Variants in DPYSL2 observed in about 807,000 individuals in gnomAD.
DPYSL2 encodes dihydropyrimidinase-related protein 2.
DPYSL2 carries 13 observed loss-of-function variants against 69.9 expected under a neutral mutation model. That is an observed-to-expected ratio of 0.19 (90% CI 0.12 to 0.30). The LOEUF is 0.30. Ranked by LOEUF, DPYSL2 falls within the 10% of genes least tolerant of loss-of-function variation. The pLI, the probability that DPYSL2 is intolerant of heterozygous loss-of-function variation, is 1.00. For synonymous variants in DPYSL2, 326 were observed against 359.1 expected, an observed-to-expected ratio of 0.91 and a Z score of 1.04; for missense variants, 587 against 918.9, an observed-to-expected ratio of 0.64 and a Z score of 4.67.
intron 3 of DPYSL2, among the ~76,000 whole-genome samples, chr8:26,594,439 C>T (rs567286510): frequency 6.6e-6 from 1 of 152,054 alleles, no homozygotes; most frequent in South Asian, 2.1e-4. Flanking sequence ...ACGAAATGAT[C>T]GTCTACCAAA....
chr8:26,537,882 TGTC>T (rs1432217937), intron 1 of DPYSL2, among the ~76,000 whole-genome samples: 5 of 152,232 alleles, frequency 3.3e-5, no homozygotes, highest in African/African-American at 1.2e-4. Flanking sequence ...ATCATTTACT[TGTC>T]GTGTATTTTT....
intron 1 of DPYSL2, among the ~76,000 whole-genome samples, chr8:26,566,052 T>G (rs772474114): frequency 6.6e-6 from 1 of 152,232 alleles, no homozygotes; most frequent in African/African-American, 2.4e-5. Context: ...GCTAGTGGCC[T>G]CTGCTACATC....
rs1803126560 is a variant in DPYSL2, at chr8:26,644,845, C to T, written c.1425+754C>T. Among the ~76,000 whole-genome samples the T allele has an allele frequency of 6.6e-6, 1 of 152,184 alleles. No individual in the cohort carries two copies. The highest frequency in any genetic ancestry group is 6.5e-5 in the Admixed American group (1 of 15,282). On this transcript the variant is annotated intron_variant, in intron 10 of 13. Coordinates refer to ENST00000521913, the MANE Select transcript of DPYSL2 (RefSeq NM_001197293.3). This position sits in a 1 kb window ranked among gnomAD's most constrained non-coding sequence, Gnocchi z 4.5. ...CCAGTAGGCCTGCTATGAACATACA[C>T]TGACCTTTAGAGGATCTTTGGGCTT...
intron 1 of DPYSL2, among the ~76,000 whole-genome samples, chr8:26,549,449 G>C (rs1262893228): frequency 6.6e-6 from 1 of 152,014 alleles, no homozygotes; most frequent in Non-Finnish European, 1.5e-5. Flanking sequence ...TTTAATATAT[G>C]TATAAAGGTG....
intron 3 of DPYSL2, among the ~76,000 whole-genome samples, chr8:26,606,569 A>G (rs1802111994): frequency 6.6e-6 from 1 of 152,174 alleles, no homozygotes; most frequent in Admixed American, 6.5e-5. Flanking sequence ...TTTAATAGAA[A>G]AGGTAAATGG....
intron 3 of DPYSL2, among the ~76,000 whole-genome samples, chr8:26,589,356 A>G (rs1801671679): frequency 6.6e-6 from 1 of 152,148 alleles, no homozygotes; most frequent in Admixed American, 6.5e-5. Context: ...TGGTTCAATC[A>G]AGGCCCCTCT....
rs1801115960 is a variant in DPYSL2 at position 26,564,282 on chromosome 8, G to A, written c.355-17687G>A. ...GTGGAAGTTGAGGAAGTGGAGGCCA[G>A]GAGTGTACGCTACCCATTCCTGAAG... On this transcript the variant is annotated intron_variant, in intron 1 of 13. Transcript: ENST00000521913. This position sits in a 1 kb window ranked among gnomAD's most constrained non-coding sequence, Gnocchi z 4.8. Among the ~76,000 whole-genome samples the A allele has an allele frequency of 6.6e-6, 1 of 152,172 alleles. No individual in the cohort carries two copies. The highest frequency in any genetic ancestry group is 1.5e-5 in the Non-Finnish European group (1 of 68,024).
chr8:26,625,584 T>C (rs952345369), intron 4 of DPYSL2, among the ~76,000 whole-genome samples: 1 of 152,162 alleles, frequency 6.6e-6, no homozygotes, highest in Non-Finnish European at 1.5e-5. Context: ...GTCTGGTGCC[T>C]AGGGAGGCAA....
intron 3 of DPYSL2, among the ~76,000 whole-genome samples, chr8:26,622,163 C>CTT (rs1802506581): frequency 2.9e-5 from 2 of 68,476 alleles, no homozygotes; most frequent in African/African-American, 1.1e-4. Flanking sequence ...CCTTCCCTCT[C>CTT]TCTCTCTTTC....
intron 7 of DPYSL2, among the ~76,000 whole-genome samples, chr8:26,632,451 C>T (rs1239196147): frequency 2.6e-5 from 4 of 152,144 alleles, no homozygotes; most frequent in Admixed American, 6.5e-5. Context: ...TTCACAGGGA[C>T]GGGCACTTTC....
chr8:26,518,164 C>T (rs1407166304), intron 1 of DPYSL2, among the ~76,000 whole-genome samples: 3 of 152,180 alleles, frequency 2.0e-5, no homozygotes, highest in African/African-American at 4.8e-5. Context: ...TGATAATAGA[C>T]TAGCCTGTTA....
chr8:26,615,609 C>T (rs1265627609), intron 3 of DPYSL2, among the ~76,000 whole-genome samples: 2 of 152,120 alleles, frequency 1.3e-5, no homozygotes, highest in Non-Finnish European at 2.9e-5. Flanking sequence ...GTGCACTGAG[C>T]ACCTTCTGTA....
intron 1 of DPYSL2, among the ~76,000 whole-genome samples, chr8:26,546,820 C>A (rs1326281680): frequency 1.4e-5 from 2 of 141,982 alleles, no homozygotes; most frequent in African/African-American, 5.3e-5. Flanking sequence ...ACTCAGGAGG[C>A]TGAGGCAGGC....
At chr8:26,601,478 C>T (rs903157840) in intron 3 of DPYSL2, among the ~76,000 whole-genome samples, 16 of 152,006 alleles carry the variant, frequency 1.1e-4, no homozygotes, top group African/African-American at 2.7e-4. Flanking sequence ...CCTGGGTTCA[C>T]GCCATTCTCC....
intron 1 of DPYSL2, among the ~76,000 whole-genome samples, chr8:26,530,609 T>C (rs1314107320): frequency 6.6e-6 from 1 of 152,192 alleles, no homozygotes; most frequent in Non-Finnish European, 1.5e-5. Flanking sequence ...TCACCAGTCA[T>C]TTCTTTGTCC....
At chr8:26,545,935 G>C (rs939349986) in intron 1 of DPYSL2, among the ~76,000 whole-genome samples, 1 of 152,136 alleles carries the variant, frequency 6.6e-6, no homozygotes, top group Non-Finnish European at 1.5e-5. Context: ...TATCTGACTT[G>C]TTCTACTCCT....
rs1352094225 is a variant in DPYSL2, at chr8:26,653,746, C to CTAAAATACAACAT, written c.1942+349_1942+350insTAAAATACAACAT. ...CTAATTTTTGTATTTTTAGTAGAGA[C>CTAAAATACAACAT]GGAGTATCACCATGTTGGCCAGGCT... is the stretch of plus-strand genomic sequence containing the variant. On this transcript the variant is annotated intron_variant, in intron 13 of 13. Coordinates refer to ENST00000521913, the MANE Select transcript of DPYSL2 (RefSeq NM_001197293.3). This position sits in a 1 kb window ranked among gnomAD's most constrained non-coding sequence, Gnocchi z 5.7. Among the ~76,000 whole-genome samples the CTAAAATACAACAT allele has an allele frequency of 6.6e-6, 1 of 152,008 alleles. No homozygotes were observed. Among genetic ancestry groups the CTAAAATACAACAT allele is most frequent in the East Asian group, 1.9e-4 (1 of 5,176 alleles).
chr8:26,520,770 T>G (rs1805769245), intron 1 of DPYSL2, among the ~76,000 whole-genome samples: 1 of 152,204 alleles, frequency 6.6e-6, no homozygotes, highest in Non-Finnish European at 1.5e-5. Context: ...AAACATTTAT[T>G]TCTCATGGTT....
rs150442037 is a variant in DPYSL2, at chr8:26,582,090, G to A, written c.443+33G>A. ...TAACTCATGATATACAGATGTATTTGAACACTTTCCAGACTTCCCAAGTAT... is the reference window on the plus strand; with the variant it reads ...TAACTCATGATATACAGATGTATTTAAACACTTTCCAGACTTCCCAAGTAT... On this transcript the variant is annotated intron_variant, in intron 2 of 13. Coordinates refer to ENST00000521913, the MANE Select transcript of DPYSL2 (RefSeq NM_001197293.3). This position sits in a 1 kb window ranked among gnomAD's most constrained non-coding sequence, Gnocchi z 4.1. 17 of 1,561,258 alleles carry A rather than the reference G, an allele frequency of 1.1e-5. No homozygotes were observed. In the African/African-American group the frequency reaches 1.8e-4, roughly 16 times the overall value.
Sources: allele counts gnomAD v4.1 joint callset (sites outside exome capture counted in the v4.1 genomes callset), GRCh38; gene constraint gnomAD v4.1.1; non-coding constraint Gnocchi (gnomAD v3.1); transcripts MANE v1.5; gene names NCBI Gene and HGNC (gene_info 2026-07-23, HGNC 2026-07-21).